PTPRQ: variants seen among roughly 807,000 people sequenced by gnomAD.
PTPRQ encodes protein tyrosine phosphatase receptor type Q.
In PTPRQ, 199 loss-of-function variants were observed where a neutral mutation model predicts 246.0. That is an observed-to-expected ratio of 0.81 (90% CI 0.72 to 0.91). The LOEUF is 0.91. PTPRQ is among the 40% of genes least tolerant of loss of function. PTPRQ has a pLI of 0.00. For missense variants in PTPRQ, 2,624 were observed against 2,528.4 expected, an observed-to-expected ratio of 1.04 and a Z score of -0.81; for synonymous variants, 869 against 853.2, an observed-to-expected ratio of 1.02 and a Z score of -0.32.
rs1017300932 is a variant in PTPRQ, at chr12:80,493,294, C to A, written c.1379C>A (p.Ala460Asp). 4.6e-6 allele frequency: 7 copies of A among 1,537,474 alleles called. No homozygotes were observed. The African/African-American group carries it at 8.3e-5, about 18-fold the overall frequency. ...TTACAGTATATAAATGACCCCATGG[C>A]TCCAGAAATTGTGAACATAGTAGAG... ...GNNEYINDPM[A>D]PEIVNIVEPM... The change falls in exon 10 of 45, where the codon GCT becomes GAT. Residue 460 changes from alanine (A) to aspartate (D), a missense_variant. By Grantham distance (126) the Ala-to-Asp change is moderately radical. Coordinates refer to ENST00000644991, the MANE Select transcript of PTPRQ (RefSeq NM_001145026.2).
intron 3 of PTPRQ, among the ~76,000 whole-genome samples, chr12:80,449,412 G>T (rs1024641628): frequency 6.6e-6 from 1 of 152,156 alleles, no homozygotes; most frequent in Non-Finnish European, 1.5e-5. Context: ...GTCTTTTGTT[G>T]CCATTGCTTT....
Position 80,460,725 on chromosome 12 carries a change from C to T in PTPRQ, c.733C>T (p.Arg245Cys), listed in dbSNP as rs1171831851. ...PTLGRVTPPS[R>C]TTHSSSTLTQ... ...CCTTGGTAGAGTTACACCTCCATCG[C>T]GTACCACACATTCATCAAGCACGTT... The change falls in exon 6 of 45, where the codon CGT becomes TGT. Residue 245 changes from arginine to cysteine, a missense_variant. By Grantham distance (180) the Arg-to-Cys change is radical. Coordinates refer to ENST00000644991, the MANE Select transcript of PTPRQ (RefSeq NM_001145026.2). 4 of 399,792 alleles carry T rather than the reference C, an allele frequency of 1.0e-5. No individual in the cohort carries two copies. The highest frequency in any genetic ancestry group is 3.6e-5 in the East Asian group (1 of 28,078). 24.8% of individuals were successfully genotyped at this position (399,792 alleles called of 1,614,324 possible).
In PTPRQ at chr12:80,648,897, G is replaced by C. The variant is rs539809183; in HGVS notation, c.5916G>C (p.Arg1972=). 9.8e-6 allele frequency: 15 copies of C among 1,526,948 alleles called. No individual in the cohort carries two copies. The South Asian group carries it at 1.5e-4, about 16-fold the overall frequency. 94.6% of individuals were successfully genotyped at this position (1,526,948 alleles called of 1,614,324 possible). ...GCATTTAACACAATCTCTATTGCAG[G>C]TTACTTAGTTATAGAAAATCCATCA... is the stretch of plus-strand genomic sequence containing the variant. ...DLELKDERLT[R]LLSYRKSIKP... Residue 1972 remains arginine, a splice_region_variant and synonymous_variant, in exon 36 of 45, where the codon CGG becomes CGC. Coordinates refer to ENST00000644991, the MANE Select transcript of PTPRQ (RefSeq NM_001145026.2).
rs1276891125 is a variant in PTPRQ, at chr12:80,680,221, G to A, written c.*1198G>A. On this transcript the variant is annotated 3_prime_UTR_variant, in exon 45 of 45. Coordinates refer to ENST00000644991, the MANE Select transcript of PTPRQ (RefSeq NM_001145026.2). Reference sequence around the variant, plus strand: ...AGTATATCTTATGCTTATTTCCGCTGGAACATATATATATAAGAAATGCTA... The same window carrying A: ...AGTATATCTTATGCTTATTTCCGCTAGAACATATATATATAAGAAATGCTA... 1 of 150,916 alleles carries A rather than the reference G, an allele frequency of 6.6e-6. No individual in the cohort carries two copies. Among genetic ancestry groups the A allele is most frequent in the African/African-American group, 2.4e-5 (1 of 41,194 alleles). The allele number at this position is 150,916 out of a possible 1,614,324, so 9.3% of individuals were successfully genotyped here.
chr12:80,558,133 CTT>C (rs1565785488), intron 25 of PTPRQ, among the ~76,000 whole-genome samples: 9 of 106,268 alleles, frequency 8.5e-5, no homozygotes, highest in Non-Finnish European at 1.5e-4. Context: ...CTTTTCTTTT[CTT>C]TTCTTTTCTT....
chr12:80,484,688 A>G, intron 9 of PTPRQ, 83 bp downstream of exon 9: 2 of 1,484,616 alleles, frequency 1.3e-6, no homozygotes, highest in Non-Finnish European at 1.8e-6. Context: ...GCTAGCACCC[A>G]CACATGTAAT....
In PTPRQ at chr12:80,456,659, C is replaced by T. The variant is rs573958884; in HGVS notation, c.391-916C>T. ...GGTCTATTGGGAAGCCCTTACTCTC[C>T]GTTTCATCTCACACTTTATAAATCA... On this transcript the variant is annotated intron_variant, in intron 3 of 44. Coordinates refer to ENST00000644991, the MANE Select transcript of PTPRQ (RefSeq NM_001145026.2). Among the ~76,000 whole-genome samples, 64 of 152,196 alleles carry T rather than the reference C, an allele frequency of 4.2e-4. 1 individual carries two copies. Among genetic ancestry groups the T allele is most frequent in the Admixed American group, 3.4e-3 (52 of 15,298 alleles).
rs773569180 is a variant in PTPRQ, at chr12:80,680,011, G to A, written c.*988G>A. 2 of 151,696 alleles carry A rather than the reference G, an allele frequency of 1.3e-5. No homozygotes were observed. The highest frequency in any genetic ancestry group is 2.9e-5 in the Non-Finnish European group (2 of 67,844). 9.4% of individuals were successfully genotyped at this position (151,696 alleles called of 1,614,324 possible). A position where few individuals can be genotyped will look rare whatever the true frequency, so the allele number is the denominator to read the frequency against. On this transcript the variant is annotated 3_prime_UTR_variant, in exon 45 of 45. Coordinates refer to ENST00000644991, the MANE Select transcript of PTPRQ (RefSeq NM_001145026.2). ...AGGTTGATTTTGAGCAGTATACTTG[G>A]TGGAACTGAAAACAAAGAAATTAAC...
At chr12:80,478,018 G>A (rs768008528) in intron 8 of PTPRQ, among the ~76,000 whole-genome samples, 11 of 152,212 alleles carry the variant, frequency 7.2e-5, no homozygotes, top group Non-Finnish European at 1.3e-4. Context: ...CCAACTGGGT[G>A]GAGCCCACAA....
intron 14 of PTPRQ, among the ~76,000 whole-genome samples, chr12:80,505,138 T>C (rs1278410502): frequency 6.6e-6 from 1 of 151,892 alleles, no homozygotes; most frequent in Non-Finnish European, 1.5e-5. Flanking sequence ...TCTGACACAC[T>C]ACACATATGT....
At chr12:80,608,100 G>T (rs1307588443) in intron 27 of PTPRQ, among the ~76,000 whole-genome samples, 3 of 150,800 alleles carry the variant, frequency 2.0e-5, no homozygotes, top group East Asian at 3.9e-4. Context: ...CTTGACGAAT[G>T]AATAGGGGTA....
At chr12:80,677,925 G>A (rs1400965816) in intron 43 of PTPRQ, among the ~76,000 whole-genome samples, 1 of 151,932 alleles carries the variant, frequency 6.6e-6, no homozygotes, top group Non-Finnish European at 1.5e-5. Context: ...CTTTTGATAA[G>A]GTCCAAACTC....
intron 8 of PTPRQ, among the ~76,000 whole-genome samples, chr12:80,478,740 A>C (rs911965342): frequency 1.3e-5 from 2 of 152,236 alleles, no homozygotes; most frequent in Non-Finnish European, 2.9e-5. Flanking sequence ...CAGAAGCCTC[A>C]GGAGCCGATG....
intron 25 of PTPRQ, among the ~76,000 whole-genome samples, chr12:80,559,391 A>C (rs1046064669): frequency 6.6e-5 from 10 of 151,984 alleles, no homozygotes; most frequent in African/African-American, 2.4e-4. Context: ...ACAAAGCAAA[A>C]CTTTTTAATT....
chr12:80,463,029 C>T (rs1264066924), intron 6 of PTPRQ, among the ~76,000 whole-genome samples: 4 of 152,068 alleles, frequency 2.6e-5, no homozygotes, highest in African/African-American at 4.8e-5. Flanking sequence ...ATGACTTTCA[C>T]GAGTTGAGAG....
intron 8 of PTPRQ, among the ~76,000 whole-genome samples, chr12:80,474,803 G>C (rs60443777): frequency 6.6e-6 from 1 of 152,038 alleles, no homozygotes; most frequent in Admixed American, 6.6e-5. Context: ...TTTCTGTCAG[G>C]GTAGTTTAGC....
At position 80,631,476 on chromosome 12, in the gene PTPRQ, C is replaced by T. The variant is rs530680398; in HGVS notation, c.5687-716C>T. ...AAATATAAGGCTTGAATTCTTCCCT[C>T]TTTGGCCAGTAGGAGCCCCTTCAGG... is the stretch of plus-strand genomic sequence containing the variant. On this transcript the variant is annotated intron_variant, in intron 33 of 44. Coordinates refer to ENST00000644991, the MANE Select transcript of PTPRQ (RefSeq NM_001145026.2). 5.9e-5 allele frequency among the ~76,000 whole-genome samples: 9 copies of T among 152,264 alleles called. No homozygotes were observed. In the East Asian group the frequency reaches 1.5e-3, roughly 26 times the overall value.
intron 9 of PTPRQ, among the ~76,000 whole-genome samples, chr12:80,485,532 G>A (rs1894245050): frequency 6.6e-6 from 1 of 152,020 alleles, no homozygotes; most frequent in Admixed American, 6.6e-5. Context: ...TCTATTTCTG[G>A]CACTTACCTG....
At chr12:80,605,298 A>G in intron 27 of PTPRQ, 118 bp downstream of exon 27, 1 of 1,298,476 alleles carries the variant, frequency 7.7e-7, no homozygotes, top group South Asian at 1.6e-5. Context: ...AAATTACTTT[A>G]CTTGTTTGTG....
Sources: gnomAD v4.1 joint callset for allele counts (sites outside exome capture counted in the v4.1 genomes callset) on GRCh38, gnomAD v4.1.1 for gene constraint, MANE v1.5 for transcripts, NCBI Gene and HGNC (gene_info 2026-07-23, HGNC 2026-07-21) for gene names.